ADAM12: variants seen among roughly 807,000 people sequenced by gnomAD.
ADAM12 encodes ADAM metallopeptidase domain 12.
Under a neutral mutation model 106.4 loss-of-function variants are expected in ADAM12, and 70 were observed. That is an observed-to-expected ratio of 0.66 (90% CI 0.54 to 0.80). The LOEUF (loss-of-function observed/expected upper bound fraction) is 0.80. Ranked by LOEUF, ADAM12 falls within the 30% of genes least tolerant of loss-of-function variation. The probability of loss-of-function intolerance (pLI) is 0.00; values close to 1 mark genes in which losing one functional copy is unlikely to be tolerated. For missense variants in ADAM12, 1,010 were observed against 1,171.9 expected, an observed-to-expected ratio of 0.86 and a Z score of 2.02; for synonymous variants, 420 against 433.5, an observed-to-expected ratio of 0.97 and a Z score of 0.39.
At chr10:126,181,689 G>C (rs1212772643) in intron 3 of ADAM12, among the ~76,000 whole-genome samples, 1 of 152,152 alleles carries the variant, frequency 6.6e-6, no homozygotes, top group Non-Finnish European at 1.5e-5. Flanking sequence ...AGGCAGAAGA[G>C]AGGCATACTG....
chr10:126,130,800 G>A (rs1411566309), intron 5 of ADAM12, among the ~76,000 whole-genome samples: 1 of 152,206 alleles, frequency 6.6e-6, no homozygotes. Context: ...GGGAGGATTT[G>A]TCTTGCTTGG....
intron 6 of ADAM12, among the ~76,000 whole-genome samples, chr10:126,110,471 G>T (rs1368740992): frequency 6.6e-6 from 1 of 151,644 alleles, no homozygotes; most frequent in Non-Finnish European, 1.5e-5. Context: ...AGTGAGAAAG[G>T]TATGAGGAGA....
At position 126,344,425 on chromosome 10, in the gene ADAM12, G is replaced by A. The variant is rs555254140; in HGVS notation, c.89-13916C>T. On this transcript the variant is annotated intron_variant, in intron 1 of 22. Transcript: ENST00000448723. ...GTACCATGCTGTTTTGGTTACTATA[G>A]CCTTGTAGTATAGTTTGAAGTCAGG... is the stretch of plus-strand genomic sequence containing the variant. 6.8e-4 allele frequency among the ~76,000 whole-genome samples: 104 copies of A among 152,242 alleles called. 1 individual carries two copies. Among genetic ancestry groups the A allele is most frequent in the Admixed American group, 4.3e-3 (66 of 15,292 alleles).
intron 1 of ADAM12, among the ~76,000 whole-genome samples, chr10:126,348,452 C>T (rs1855228037): frequency 6.6e-6 from 1 of 152,094 alleles, no homozygotes; most frequent in African/African-American, 2.4e-5. Flanking sequence ...CCCAAGCATG[C>T]CTTTCCGAGT....
At chr10:126,075,329 T>C (rs1029887458) in intron 11 of ADAM12, among the ~76,000 whole-genome samples, 1 of 152,172 alleles carries the variant, frequency 6.6e-6, no homozygotes, top group Non-Finnish European at 1.5e-5. Flanking sequence ...AGTCAGGCTT[T>C]AGAGGAAGAA....
rs183987492 is a variant in ADAM12, at chr10:126,280,691, T to C, written c.187-1703A>G. Reference sequence around the variant, plus strand: ...TTCCTTATGAGCTTCAAGGAGGTTCTTTCTCAGTTTTCACTGATGGATGAT... The same window carrying C: ...TTCCTTATGAGCTTCAAGGAGGTTCCTTCTCAGTTTTCACTGATGGATGAT... On this transcript the variant is annotated intron_variant, in intron 2 of 22. Coordinates refer to ENST00000448723, the MANE Select transcript of ADAM12 (RefSeq NM_001288973.2). Among the ~76,000 whole-genome samples, 10 of 152,320 alleles carry C rather than the reference T, an allele frequency of 6.6e-5. No homozygotes were observed. The East Asian group carries it at 1.9e-3, about 29-fold the overall frequency.
chr10:126,111,892 C>T (rs1230234733), intron 6 of ADAM12, among the ~76,000 whole-genome samples: 1 of 151,578 alleles, frequency 6.6e-6, no homozygotes, highest in Non-Finnish European at 1.5e-5. Context: ...TTCCACCTAT[C>T]TGGCTGTCCA....
chr10:126,191,254 A>G (rs1006508537), intron 3 of ADAM12, among the ~76,000 whole-genome samples: 3 of 151,978 alleles, frequency 2.0e-5, no homozygotes, highest in African/African-American at 7.3e-5. Context: ...TGCCTGCCTC[A>G]GCCTCTCAAA....
At chr10:126,224,473 C>T (rs540966472) in intron 3 of ADAM12, among the ~76,000 whole-genome samples, 1 of 152,080 alleles carries the variant, frequency 6.6e-6, no homozygotes, top group East Asian at 1.9e-4. Context: ...GAGGGAGAAA[C>T]AAGCACAGGA....
rs1854425663 is a variant in ADAM12, at chr10:126,329,455, T to C, written c.186+957A>G. ...CATGATGGAATTTTCTTTAATATCTTAAGTTTTTCTTCCAGAAAATATCAA... is the reference window on the plus strand; with the variant it reads ...CATGATGGAATTTTCTTTAATATCTCAAGTTTTTCTTCCAGAAAATATCAA... On this transcript the variant is annotated intron_variant, in intron 2 of 22. Coordinates refer to ENST00000448723, the MANE Select transcript of ADAM12 (RefSeq NM_001288973.2). 5.3e-5 allele frequency among the ~76,000 whole-genome samples: 8 copies of C among 152,344 alleles called. No homozygotes were observed. In the South Asian group the frequency reaches 1.7e-3, roughly 32 times the overall value.
chr10:126,037,443 A>T (rs61265851), intron 20 of ADAM12, among the ~76,000 whole-genome samples: 11 of 152,002 alleles, frequency 7.2e-5, no homozygotes, highest in Admixed American at 1.3e-4. Flanking sequence ...TTGGAGCCCC[A>T]CCCTTTGCGT....
chr10:126,341,623 A>C (rs1854935117), intron 1 of ADAM12, among the ~76,000 whole-genome samples: 2 of 152,234 alleles, frequency 1.3e-5, no homozygotes, highest in South Asian at 4.1e-4. Flanking sequence ...TTATCTACCC[A>C]GCAGGAAAGC....
intron 1 of ADAM12, among the ~76,000 whole-genome samples, chr10:126,361,220 ATAAAT>A (rs1236801680): frequency 6.6e-6 from 1 of 152,244 alleles, no homozygotes; most frequent in Non-Finnish European, 1.5e-5. Context: ...AATATTAGAA[ATAAAT>A]TTAAGCAAGG....
chr10:126,035,375 A>C (rs1285398202), intron 21 of ADAM12, among the ~76,000 whole-genome samples: 1 of 152,190 alleles, frequency 6.6e-6, no homozygotes, highest in African/African-American at 2.4e-5. Flanking sequence ...ATAATTTGCA[A>C]GTACTTAAAC....
chr10:126,028,736 T>C (rs112133238), intron 21 of ADAM12, among the ~76,000 whole-genome samples: 5,840 of 152,162 alleles, frequency 0.038, 384 homozygotes, highest in African/African-American at 0.13. Context: ...ATCGAGGACA[T>C]AGGCATGCGA....
At chr10:126,261,307 G>A (rs986794452) in intron 3 of ADAM12, among the ~76,000 whole-genome samples, 1 of 152,110 alleles carries the variant, frequency 6.6e-6, no homozygotes, top group Non-Finnish European at 1.5e-5. Context: ...TTGAAACAAC[G>A]AACGGGCTGC....
At chr10:126,387,888 C>CGG (rs1564771493) in intron 1 of ADAM12, among the ~76,000 whole-genome samples, 170 bp downstream of exon 1, 1 of 68,150 alleles carries the variant, frequency 1.5e-5, no homozygotes, top group African/African-American at 6.0e-5. Flanking sequence ...GAATTGGCAC[C>CGG]TGGGGGGGGG....
Position 126,036,246 on chromosome 10 carries a change from T to G in ADAM12, c.2429A>C (p.Gln810Pro), listed in dbSNP as rs1172765071. ...GGGAGGAAGCACTCGCTGAGTTGAC[T>G]GGGGCTGAGGGACATTCAGGCCGTT... ...PLNGLNVPQPQSTQRVLPPLH... is the reference protein window; with the variant it reads ...PLNGLNVPQPPSTQRVLPPLH... The change falls in exon 21 of 23, where the codon CAG becomes CCG. Residue 810 changes from glutamine to proline, a missense_variant. Gln to Pro is a moderately conservative substitution (Grantham distance 76). Transcript: ENST00000448723. 1 of 1,554,446 alleles carries G rather than the reference T, an allele frequency of 6.4e-7. No individual in the cohort carries two copies. The highest frequency in any genetic ancestry group is 1.8e-4 in the Middle Eastern group (1 of 5,438).
chr10:126,214,262 T>A (rs542931425), intron 3 of ADAM12, among the ~76,000 whole-genome samples: 1 of 152,326 alleles, frequency 6.6e-6, no homozygotes, highest in East Asian at 1.9e-4. Flanking sequence ...ACATCCTGGC[T>A]CGACCCTTCA....
Sources: allele counts gnomAD v4.1 joint callset (sites outside exome capture counted in the v4.1 genomes callset), GRCh38; gene constraint gnomAD v4.1.1; transcripts MANE v1.5; gene names NCBI Gene and HGNC (gene_info 2026-07-23, HGNC 2026-07-21).